SPEF2: variants seen among roughly 807,000 people sequenced by gnomAD.
SPEF2 encodes sperm flagella and cilia-associated protein 2.
Under a neutral mutation model 224.6 loss-of-function variants are expected in SPEF2, and 187 were observed. The observed-to-expected ratio is 0.83, with a 90% CI of 0.74 to 0.94. The LOEUF is 0.94. SPEF2 is among the 40% of genes least tolerant of loss of function. The pLI, the probability that SPEF2 is intolerant of heterozygous loss-of-function variation, is 0.00. For synonymous variants in SPEF2, 715 were observed against 707.3 expected (o/e 1.01, Z -0.17); for missense variants, 2,170 against 2,135.6 (o/e 1.02, Z -0.32).
At chr5:35,654,842 C>A (rs1316360076) in intron 7 of SPEF2, 116 bp downstream of exon 7, 4 of 829,986 alleles carry the variant, frequency 4.8e-6, no homozygotes, top group East Asian at 2.9e-5. Context: ...CATCAAATGT[C>A]ACTTTCACAT....
chr5:35,621,524 C>T (rs1189743197), intron 1 of SPEF2, among the ~76,000 whole-genome samples: 8 of 152,132 alleles, frequency 5.3e-5, no homozygotes, highest in Non-Finnish European at 1.2e-4. Flanking sequence ...TTAAGTAACT[C>T]TCAAATGTAT....
At chr5:35,788,172 G>A in intron 30 of SPEF2, 1 of 702,952 alleles carries the variant, frequency 1.4e-6, no homozygotes, top group East Asian at 2.7e-5. Context: ...GCAACAAGTA[G>A]CTCTCCAGTG....
At chr5:35,642,401 C>T (rs568296269) in intron 3 of SPEF2, among the ~76,000 whole-genome samples, 106 of 152,260 alleles carry the variant, frequency 7.0e-4, no homozygotes, top group African/African-American at 2.4e-3. Context: ...CCAGTACACA[C>T]GGGTAGTCCC....
At chr5:35,658,876 T>C in intron 7 of SPEF2, 143 bp from the exon 8 acceptor site, 2 of 554,636 alleles carry the variant, frequency 3.6e-6, no homozygotes, top group East Asian at 6.9e-5. Flanking sequence ...CATGATTTTT[T>C]TTGCCATGTT....
At position 35,714,002 on chromosome 5, in the gene SPEF2, T is replaced by C. The variant is rs186623345; in HGVS notation, c.2914+1116T>C. ...TATATAGTATTATATATTTTATATA[T>C]AGTATATATGTTATATATAGTATTA... is the stretch of plus-strand genomic sequence containing the variant. On this transcript the variant is annotated intron_variant, in intron 20 of 36. Transcript: ENST00000356031. Among the ~76,000 whole-genome samples, 76 of 67,964 alleles carry C rather than the reference T, an allele frequency of 1.1e-3. 6 individuals carry two copies. The highest frequency in any genetic ancestry group is 6.1e-3 in the East Asian group (12 of 1,972). 44.6% of individuals were successfully genotyped at this position (67,964 alleles called of 152,430 possible). A position where few individuals can be genotyped will look rare whatever the true frequency, so the allele number is the denominator to read the frequency against.
At chr5:35,656,721 T>G (rs1348720422) in intron 7 of SPEF2, among the ~76,000 whole-genome samples, 1 of 152,204 alleles carries the variant, frequency 6.6e-6, no homozygotes, top group African/African-American at 2.4e-5. Flanking sequence ...CTATTAACAC[T>G]GACTTTTCAA....
chr5:35,734,346 C>A (rs1019846306), intron 21 of SPEF2, among the ~76,000 whole-genome samples: 1 of 152,168 alleles, frequency 6.6e-6, no homozygotes, highest in Non-Finnish European at 1.5e-5. Context: ...AGTGCTCTTC[C>A]CCTAAATCAG....
At chr5:35,668,235 A>G (rs567459416) in intron 9 of SPEF2, among the ~76,000 whole-genome samples, 3 of 152,272 alleles carry the variant, frequency 2.0e-5, no homozygotes, top group Admixed American at 2.0e-4. Flanking sequence ...TTTATTTGTA[A>G]TAGCTTAAAA....
intron 23 of SPEF2, among the ~76,000 whole-genome samples, chr5:35,751,025 G>GTATATATATA (rs1229060564): frequency 4.8e-4 from 33 of 68,730 alleles, no homozygotes; most frequent in African/African-American, 1.2e-3. Flanking sequence ...ATATATATAC[G>GTATATATATA]TATATATATA....
At chr5:35,682,076 G>C (rs1027733723) in intron 10 of SPEF2, among the ~76,000 whole-genome samples, 3 of 152,180 alleles carry the variant, frequency 2.0e-5, no homozygotes, top group Non-Finnish European at 4.4e-5. Flanking sequence ...TGTGCCAAGG[G>C]AAAGTGGTGT....
chr5:35,742,249 C>T (rs201775079), intron 23 of SPEF2, among the ~76,000 whole-genome samples: 2 of 152,048 alleles, frequency 1.3e-5, no homozygotes, highest in South Asian at 4.1e-4. Context: ...TTCTTGAGCA[C>T]CAACATTTTA....
intron 10 of SPEF2, among the ~76,000 whole-genome samples, chr5:35,688,112 A>G (rs920256851): frequency 3.3e-5 from 5 of 152,224 alleles, no homozygotes; most frequent in Admixed American, 6.5e-5. Flanking sequence ...ATCATAGCAA[A>G]GTCTGACAAG....
Position 35,789,801 on chromosome 5 carries a change from A to T in SPEF2, c.4448-2539A>T, listed in dbSNP as rs907690212. 6 of 702,288 alleles carry T rather than the reference A, an allele frequency of 8.5e-6. No homozygotes were observed. In the African/African-American group the frequency reaches 8.7e-5, roughly 10 times the overall value. 43.5% of individuals were successfully genotyped at this position (702,288 alleles called of 1,614,324 possible). A position where few individuals can be genotyped will look rare whatever the true frequency, so the allele number is the denominator to read the frequency against. On this transcript the variant is annotated intron_variant, in intron 30 of 36. Transcript: ENST00000356031. Reference sequence around the variant, plus strand: ...ACTATTTTTGGCATCTTGATTATAGAATTTGGAGAAAAAGAGGTATCCATC... The same window carrying T: ...ACTATTTTTGGCATCTTGATTATAGTATTTGGAGAAAAAGAGGTATCCATC...
intron 11 of SPEF2, among the ~76,000 whole-genome samples, chr5:35,692,043 C>G (rs994866867): frequency 1.3e-5 from 2 of 151,916 alleles, no homozygotes; most frequent in Non-Finnish European, 2.9e-5. Context: ...CGTGATCCAC[C>G]CACCTCAGCC....
At chr5:35,813,739 A>G (rs1758675955) in intron 36 of SPEF2, among the ~76,000 whole-genome samples, 1 of 152,174 alleles carries the variant, frequency 6.6e-6, no homozygotes, top group Non-Finnish European at 1.5e-5. Flanking sequence ...TGTCTTCTCA[A>G]CTAAAATGAT....
chr5:35,698,614 A>G (rs1408517229), intron 15 of SPEF2: 1 of 152,204 alleles, frequency 6.6e-6, no homozygotes, highest in Non-Finnish European at 1.5e-5. Flanking sequence ...GAACTCCATT[A>G]CCCTCCTTCC....
chr5:35,729,978 A>G (rs1404216349), intron 21 of SPEF2, among the ~76,000 whole-genome samples: 1 of 152,226 alleles, frequency 6.6e-6, no homozygotes, highest in Non-Finnish European at 1.5e-5. Flanking sequence ...AGTCTCAAGT[A>G]TGCCTTTATC....
At chr5:35,696,849 C>G (rs1303750639) in intron 14 of SPEF2, among the ~76,000 whole-genome samples, 1 of 152,050 alleles carries the variant, frequency 6.6e-6, no homozygotes, top group Non-Finnish European at 1.5e-5. Context: ...GGAAAGGGAG[C>G]CTTAAGCAGA....
At chr5:35,674,946 G>C (rs982690547) in intron 10 of SPEF2, among the ~76,000 whole-genome samples, 1 of 152,132 alleles carries the variant, frequency 6.6e-6, no homozygotes, top group Non-Finnish European at 1.5e-5. Flanking sequence ...TTGCCAAGAA[G>C]TCTTAATTTT....
Sources: allele counts gnomAD v4.1 joint callset (sites outside exome capture counted in the v4.1 genomes callset), GRCh38; gene constraint gnomAD v4.1.1; transcripts MANE v1.5; gene names NCBI Gene and HGNC (gene_info 2026-07-23, HGNC 2026-07-21).